The following C1QTNF2 variants were observed in gnomAD, a reference collection of about 807,000 sequenced individuals.
C1QTNF2 encodes complement C1q tumor necrosis factor-related protein 2.
Under a neutral mutation model 17.4 loss-of-function variants are expected in C1QTNF2, and 15 were observed. The observed-to-expected ratio is 0.86, with a 90% CI of 0.58 to 1.33. The LOEUF is 1.33. Among genes scored for constraint, C1QTNF2 ranks in the 40% most tolerant of loss-of-function variants. C1QTNF2 has a pLI of 0.00. For synonymous variants in C1QTNF2, 154 were observed against 163.3 expected (o/e 0.94, Z 0.44); for missense variants, 381 against 392.3 (o/e 0.97, Z 0.24).
intron 1 of C1QTNF2, among the ~76,000 whole-genome samples, chr5:160,369,704 G>T (rs1764314305): frequency 6.6e-6 from 1 of 152,180 alleles, no homozygotes; most frequent in South Asian, 2.1e-4. Context: ...TGGTCAAGGA[G>T]CAGAGGAGGA....
intron 1 of C1QTNF2, among the ~76,000 whole-genome samples, chr5:160,358,163 CTCCTGGAG>C (rs771191064): frequency 2.6e-4 from 40 of 152,350 alleles, no homozygotes; most frequent in Non-Finnish European, 5.3e-4. Flanking sequence ...GAGCCTGAAG[CTCCTGGAG>C]TCCCAGAGGA....
chr5:160,357,989 C>T (rs1389143884), intron 1 of C1QTNF2, among the ~76,000 whole-genome samples: 1 of 152,260 alleles, frequency 6.6e-6, no homozygotes, highest in Admixed American at 6.5e-5. Context: ...ACAGGCTCCA[C>T]AAGAGGAAGG....
Position 160,349,102 on chromosome 5 carries a change from G to C in C1QTNF2, c.*66C>G. 1 of 1,534,562 alleles carries C rather than the reference G, an allele frequency of 6.5e-7. No homozygotes were observed. The highest frequency in any genetic ancestry group is 8.8e-7 in the Non-Finnish European group (1 of 1,141,364). The stretch of plus-strand genomic sequence containing the variant: ...CCCCCCACCCCCAGCCTACAGTTGT[G>C]GGGTCTTGCTCTGTAAGCCCAAGTC... On this transcript the variant is annotated 3_prime_UTR_variant, in exon 3 of 3. Transcript: ENST00000652664. This position sits in a 1 kb window ranked among gnomAD's most constrained non-coding sequence, Gnocchi z 4.3.
At chr5:160,363,245 C>T (rs1243901739) in intron 1 of C1QTNF2, among the ~76,000 whole-genome samples, 1 of 152,242 alleles carries the variant, frequency 6.6e-6, no homozygotes, top group African/African-American at 2.4e-5. Flanking sequence ...CAGTCCTCTC[C>T]AGCTTCTCTG....
intron 2 of C1QTNF2, among the ~76,000 whole-genome samples, 161 bp downstream of exon 2, chr5:160,354,597 AGTATATATAT>A (rs1199169147): frequency 0.24 from 21,422 of 89,392 alleles, 2,763 homozygotes; most frequent in Admixed American, 0.3. Flanking sequence ...AAAAAAAAAA[AGTATATATAT>A]ATATATATAT....
rs76407650 is a variant in C1QTNF2 at position 160,359,956 on chromosome 5, C to G, written c.-9-4936G>C. On this transcript the variant is annotated intron_variant, in intron 1 of 2. Transcript: ENST00000652664. The stretch of plus-strand genomic sequence containing the variant: ...CTCCTCTGGCCCAGCACCCACCCCC[C>G]CTACCTTTTCTAGGCCAAGCTCCAT... Among the ~76,000 whole-genome samples the G allele has an allele frequency of 8.1e-3, 1,232 of 152,242 alleles. 19 individuals carry two copies. Among genetic ancestry groups the G allele is most frequent in the African/African-American group, 0.028 (1,176 of 41,524 alleles).
chr5:160,357,919 G>A (rs910342662), intron 1 of C1QTNF2, among the ~76,000 whole-genome samples: 4 of 152,282 alleles, frequency 2.6e-5, no homozygotes, highest in Non-Finnish European at 4.4e-5. Context: ...GGGAGAGAAA[G>A]GGAACCATCT....
chr5:160,351,665 T>C (rs1354908309), intron 2 of C1QTNF2, among the ~76,000 whole-genome samples: 4 of 151,978 alleles, frequency 2.6e-5, no homozygotes, highest in Non-Finnish European at 4.4e-5. Flanking sequence ...CAATTAATAG[T>C]GGTTACCTCT....
intron 2 of C1QTNF2, among the ~76,000 whole-genome samples, chr5:160,352,246 A>G (rs1419069396): frequency 6.6e-6 from 1 of 152,186 alleles, no homozygotes; most frequent in Non-Finnish European, 1.5e-5. Context: ...CGGGAGACAA[A>G]TAGATAAAAA....
chr5:160,365,282 GA>G (rs1561828265), intron 1 of C1QTNF2, among the ~76,000 whole-genome samples: 1 of 152,188 alleles, frequency 6.6e-6, no homozygotes, highest in Non-Finnish European at 1.5e-5. Context: ...AGAACTGAGG[GA>G]GAGAAACAGA....
chr5:160,367,438 G>T (rs1251697240), intron 1 of C1QTNF2, among the ~76,000 whole-genome samples: 1 of 152,158 alleles, frequency 6.6e-6, no homozygotes, highest in Non-Finnish European at 1.5e-5. Context: ...TTAGAGATAG[G>T]ACCTTAAAAA....
rs545182420 is a variant in C1QTNF2 at position 160,348,286 on chromosome 5, A to G, written c.*882T>C. On this transcript the variant is annotated 3_prime_UTR_variant, in exon 3 of 3. Transcript: ENST00000652664. ...GTCTGTGGCCGACTTGACTCATGCA[A>G]TGAGCAGATTCAAGATGATCCGCCT... 2 of 152,374 alleles carry G rather than the reference A, an allele frequency of 1.3e-5. No homozygotes were observed. Among genetic ancestry groups the G allele is most frequent in the East Asian group, 3.9e-4 (2 of 5,190 alleles). The allele number at this position is 152,374 out of a possible 1,614,324, so 9.4% of individuals were successfully genotyped here. A position where few individuals can be genotyped will look rare whatever the true frequency, so the allele number is the denominator to read the frequency against.
At chr5:160,360,240 A>G (rs1315939093) in intron 1 of C1QTNF2, among the ~76,000 whole-genome samples, 1 of 152,202 alleles carries the variant, frequency 6.6e-6, no homozygotes, top group Non-Finnish European at 1.5e-5. Context: ...TGTAAGCTCC[A>G]TGAGTACAGG....
At chr5:160,358,530 A>C (rs745559895) in intron 1 of C1QTNF2, among the ~76,000 whole-genome samples, 8 of 146,834 alleles carry the variant, frequency 5.4e-5, no homozygotes, top group Non-Finnish European at 1.0e-4. Flanking sequence ...TGCGTGGTGC[A>C]AGAGCTTACT....
chr5:160,352,405 T>C (rs1207999305), intron 2 of C1QTNF2, among the ~76,000 whole-genome samples: 2 of 152,168 alleles, frequency 1.3e-5, no homozygotes, highest in Non-Finnish European at 2.9e-5. Context: ...TGGTTGGATG[T>C]TATCCTGAAT....
intron 1 of C1QTNF2, among the ~76,000 whole-genome samples, chr5:160,368,464 G>A (rs1030513477): frequency 5.3e-5 from 8 of 151,348 alleles, no homozygotes; most frequent in South Asian, 2.1e-4. Context: ...CCCAGGAGGC[G>A]GAGATTGCAG....
chr5:160,349,715 C>G lies in C1QTNF2; in HGVS notation c.311G>C (p.Arg104Pro). The G allele has an allele frequency of 6.3e-7, 1 of 1,574,886 alleles. No individual in the cohort carries two copies. The highest frequency in any genetic ancestry group is 1.2e-5 in the South Asian group (1 of 85,166). The change falls in exon 3 of 3, where the codon CGG becomes CCG. Residue 104 changes from arginine to proline, a missense_variant. Transcript: ENST00000652664. This position sits in a 1 kb window ranked among gnomAD's most constrained non-coding sequence, Gnocchi z 4.3. ...CCCCTTGGGGCCACGGGGGCCAGCCCGCCCAATGGCCCCGGCTTTGCCCTT... is the reference window on the plus strand; with the variant it reads ...CCCCTTGGGGCCACGGGGGCCAGCCGGCCCAATGGCCCCGGCTTTGCCCTT... The part of the protein sequence containing the change: ...GPKGKAGAIG[R>P]AGPRGPKGVN...
chr5:160,361,667 T>G (rs1259788368), intron 1 of C1QTNF2, among the ~76,000 whole-genome samples: 1 of 152,190 alleles, frequency 6.6e-6, no homozygotes, highest in Non-Finnish European at 1.5e-5. Context: ...TTTAGCCCAG[T>G]GTTTGACACT....
chr5:160,350,908 G>A (rs1253235469), intron 2 of C1QTNF2, among the ~76,000 whole-genome samples: 1 of 152,004 alleles, frequency 6.6e-6, no homozygotes, highest in Non-Finnish European at 1.5e-5. Context: ...CTGCCACCAC[G>A]CCCGGCTAAT....
Sources: allele counts gnomAD v4.1 joint callset (sites outside exome capture counted in the v4.1 genomes callset), GRCh38; gene constraint gnomAD v4.1.1; non-coding constraint Gnocchi (gnomAD v3.1); transcripts MANE v1.5; gene names NCBI Gene and HGNC (gene_info 2026-07-23, HGNC 2026-07-21).